The following APOO variants were observed in gnomAD, a reference collection of about 807,000 sequenced individuals.
APOO encodes apolipoprotein O, also known as MICOS complex subunit MIC26.
A neutral mutation model predicts 23.1 loss-of-function variants in APOO; 11 were observed. The observed-to-expected ratio is 0.48, with a 90% confidence interval of 0.30 to 0.79. The LOEUF is 0.79. APOO is among the 30% of genes least tolerant of loss of function. The probability of loss-of-function intolerance (pLI) is 0.07; values close to 1 mark genes in which losing one functional copy is unlikely to be tolerated. For missense variants in APOO, 160 were observed against 142.7 expected (o/e 1.12, Z -0.62); for synonymous variants, 59 against 54.8 (o/e 1.08, Z -0.34).
intron 7 of APOO, 150 bp downstream of exon 7, chrX:23,856,152 G>C: frequency 1.8e-6 from 1 of 564,409 alleles, no homozygotes; most frequent in Non-Finnish European, 2.9e-6. Flanking sequence ...GCTCTACCAA[G>C]AAAGGTCACC....
intron 7 of APOO, 24 bp downstream of exon 7, chrX:23,856,278 G>A: frequency 2.5e-6 from 3 of 1,177,533 alleles, no homozygotes; most frequent in Non-Finnish European, 3.5e-6. Flanking sequence ...CCAAAAGGAA[G>A]ATAATGAAAA....
chrX:23,855,003 C>T (rs1286338762), intron 7 of APOO, among the ~76,000 whole-genome samples: 2 of 109,591 alleles, frequency 1.8e-5, no homozygotes, highest in African/African-American at 6.6e-5. Context: ...TTAGAAACCA[C>T]CAGTATAAAA....
chrX:23,899,345 C>T (rs1927035028), intron 1 of APOO, among the ~76,000 whole-genome samples: 1 of 112,383 alleles, frequency 8.9e-6, no homozygotes, highest in African/African-American at 3.2e-5. Context: ...GACCCTTGCC[C>T]TACATTCCTG....
chrX:23,872,431 A>G (rs1161672251), intron 4 of APOO, among the ~76,000 whole-genome samples: 4 of 108,733 alleles, frequency 3.7e-5, no homozygotes, highest in African/African-American at 1.3e-4. Flanking sequence ...TCAGCCACAC[A>G]TGGACAGATA....
chrX:23,890,629 T>C (rs1315867608), intron 1 of APOO, among the ~76,000 whole-genome samples: 1 of 112,352 alleles, frequency 8.9e-6, no homozygotes, highest in Non-Finnish European at 1.9e-5. Context: ...TTCAGTGCAG[T>C]ATTCAATAAT....
intron 1 of APOO, among the ~76,000 whole-genome samples, chrX:23,904,515 T>G (rs7056140): frequency 0.066 from 6,761 of 101,983 alleles, 500 homozygotes; most frequent in African/African-American, 0.21. Flanking sequence ...TTTTTTTTTT[T>G]TTTTTTTTTT....
At chrX:23,841,486 TAAA>T (rs543879334) in intron 7 of APOO, among the ~76,000 whole-genome samples, 1 of 65,074 alleles carries the variant, frequency 1.5e-5, no homozygotes, top group East Asian at 5.3e-4. Flanking sequence ...AAAAGAAGTT[TAAA>T]AAAAAAAAAA....
At position 23,907,729 on chromosome X, in the gene APOO, G is replaced by T. The variant is rs896718296; in HGVS notation, c.-27C>A. Reference sequence around the variant, plus strand: ...TCGCTGGCAGCGGAGGCTCCGGCAGGGTCACCCCGGCCTCGGCCACGCCCA... The same window carrying T: ...TCGCTGGCAGCGGAGGCTCCGGCAGTGTCACCCCGGCCTCGGCCACGCCCA... On this transcript the variant is annotated 5_prime_UTR_variant, in exon 1 of 9. Coordinates refer to ENST00000379226, the MANE Select transcript of APOO (RefSeq NM_024122.5). 2.6e-6 allele frequency: 3 copies of T among 1,159,822 alleles called. No individual in the cohort carries two copies. The highest frequency in any genetic ancestry group is 2.3e-6 in the Non-Finnish European group (2 of 870,205).
intron 4 of APOO, among the ~76,000 whole-genome samples, chrX:23,872,973 C>A (rs1310473976): frequency 9.0e-6 from 1 of 110,547 alleles, no homozygotes; most frequent in Non-Finnish European, 1.9e-5. Flanking sequence ...ATTGCTTGAA[C>A]CTGGGAGGCA....
At chrX:23,899,562 T>G (rs1927041995) in intron 1 of APOO, among the ~76,000 whole-genome samples, 1 of 112,465 alleles carries the variant, frequency 8.9e-6, no homozygotes, top group African/African-American at 3.2e-5. Flanking sequence ...ATATAAAGTT[T>G]CATGCTGTAT....
intron 1 of APOO, among the ~76,000 whole-genome samples, chrX:23,881,930 A>G (rs1260321913): frequency 1.2e-5 from 1 of 82,226 alleles, no homozygotes; most frequent in Non-Finnish European, 2.2e-5. Flanking sequence ...CCTGGGTGAC[A>G]GTGCGAGACT....
Position 23,852,170 on chromosome X carries a change from C to T in APOO, c.561+4132G>A, listed in dbSNP as rs1371881622. Among the ~76,000 whole-genome samples the T allele has an allele frequency of 2.7e-5, 3 of 110,765 alleles. No homozygotes were observed. In the East Asian group the frequency reaches 8.6e-4, roughly 32 times the overall value. ...AACTTCTGGGCTCAAGTGATCCACC[C>T]GTCTCCACATCCCAAAGTGCTGGGA... is the stretch of plus-strand genomic sequence containing the variant. On this transcript the variant is annotated intron_variant, in intron 7 of 8. Transcript: ENST00000379226.
At position 23,907,876 on chromosome X, in the gene APOO, G is replaced by C. The variant is rs1183148679; in HGVS notation, c.-174C>G. The C allele has an allele frequency of 6.0e-6, 3 of 499,280 alleles. No homozygotes were observed. The highest frequency in any genetic ancestry group is 9.0e-6 in the Non-Finnish European group (3 of 333,192). 41.1% of individuals were successfully genotyped at this position (499,280 alleles called of 1,213,427 possible). A position where few individuals can be genotyped will look rare whatever the true frequency, so the allele number is the denominator to read the frequency against. On this transcript the variant is annotated 5_prime_UTR_variant, in exon 1 of 9. Coordinates refer to ENST00000379226, the MANE Select transcript of APOO (RefSeq NM_024122.5). The stretch of plus-strand genomic sequence containing the variant: ...CGGCGAAGGTTTAGTTCAATCACCC[G>C]GTTCTAGAAGCCGCGTCGCTGAGCC...
At chrX:23,874,931 T>C (rs1474597499) in intron 3 of APOO, among the ~76,000 whole-genome samples, 1 of 111,042 alleles carries the variant, frequency 9.0e-6, no homozygotes, top group Non-Finnish European at 1.9e-5. Context: ...GCAAATGAGG[T>C]GTCAACATTC....
chrX:23,902,571 A>G (rs1005273263), intron 1 of APOO, among the ~76,000 whole-genome samples: 1 of 112,167 alleles, frequency 8.9e-6, no homozygotes, highest in African/African-American at 3.2e-5. Flanking sequence ...CAGCAGCACA[A>G]GGAAAAGCTG....
rs748500777 is a variant in APOO, at chrX:23,861,965, G to A, written c.389-3232C>T. The stretch of plus-strand genomic sequence containing the variant: ...ATTACAGACACCCTCCACCACACCC[G>A]GCTATTTTTTGTATTTTTAGTAGAG... On this transcript the variant is annotated intron_variant, in intron 5 of 8. Transcript: ENST00000379226. Among the ~76,000 whole-genome samples, 8 of 109,392 alleles carry A rather than the reference G, an allele frequency of 7.3e-5. No individual in the cohort carries two copies. In the South Asian group the frequency reaches 1.6e-3, roughly 22 times the overall value. The allele number at this position is 109,392 out of a possible 115,157, so 95.0% of individuals were successfully genotyped here. A position where few individuals can be genotyped will look rare whatever the true frequency, so the allele number is the denominator to read the frequency against.
chrX:23,907,591 G>C (rs1392085207), intron 1 of APOO, 103 bp downstream of exon 1: 1 of 894,180 alleles, frequency 1.1e-6, no homozygotes, highest in Non-Finnish European at 1.5e-6. Context: ...AAAGCCTCGG[G>C]GTGAGCCAGG....
intron 3 of APOO, among the ~76,000 whole-genome samples, chrX:23,876,528 C>T (rs1433870864): frequency 9.1e-6 from 1 of 109,917 alleles, no homozygotes; most frequent in Non-Finnish European, 1.9e-5. Flanking sequence ...AGGCCGGGCA[C>T]AGTGGGTCAT....
intron 7 of APOO, among the ~76,000 whole-genome samples, chrX:23,841,981 C>T (rs758376414): frequency 9.0e-6 from 1 of 111,550 alleles, no homozygotes; most frequent in South Asian, 3.8e-4. Flanking sequence ...TCATGTACTT[C>T]CTGATTGTGT....
Sources: gnomAD v4.1 joint callset for allele counts (sites outside exome capture counted in the v4.1 genomes callset) on GRCh38, gnomAD v4.1.1 for gene constraint, MANE v1.5 for transcripts, NCBI Gene and HGNC (gene_info 2026-07-23, HGNC 2026-07-21) for gene names.